The following PBX3 variants were observed in gnomAD, a reference collection of about 807,000 sequenced individuals.
The protein encoded by PBX3 is PBX homeobox 3.
A neutral mutation model predicts 48.5 loss-of-function variants in PBX3; 14 were observed. The ratio of observed to expected loss-of-function variants is 0.29; its 90% CI spans 0.19 to 0.45. The LOEUF (loss-of-function observed/expected upper bound fraction) is 0.45, where lower values mean the gene tolerates loss of function less well. PBX3 is among the 20% of genes least tolerant of loss of function. The pLI, the probability that PBX3 is intolerant of heterozygous loss-of-function variation, is 1.00. For missense variants in PBX3, 386 were observed against 546.7 expected, an observed-to-expected ratio of 0.71 and a Z score of 2.93; for synonymous variants, 210 against 200.3, an observed-to-expected ratio of 1.05 and a Z score of -0.41.
At chr9:125,756,721 A>G (rs1025810419) in intron 2 of PBX3, among the ~76,000 whole-genome samples, 6 of 152,188 alleles carry the variant, frequency 3.9e-5, no homozygotes, top group Non-Finnish European at 8.8e-5. Context: ...GATGCCTGTT[A>G]ATGGTAATGT....
intron 2 of PBX3, among the ~76,000 whole-genome samples, chr9:125,893,594 T>C (rs1840701510): frequency 2.7e-5 from 1 of 37,160 alleles, no homozygotes; most frequent in Non-Finnish European, 1.1e-4. Context: ...CCCCATGTGA[T>C]TGTTTGAAAG....
intron 3 of PBX3, among the ~76,000 whole-genome samples, chr9:125,926,284 C>G (rs933033016): frequency 6.6e-6 from 1 of 152,134 alleles, no homozygotes; most frequent in Non-Finnish European, 1.5e-5. Flanking sequence ...CTTTGGGAGG[C>G]CAAGGTGGGC....
chr9:125,950,939 TTG>T (rs1842182828), intron 5 of PBX3, among the ~76,000 whole-genome samples: 1 of 152,042 alleles, frequency 6.6e-6, no homozygotes, highest in Non-Finnish European at 1.5e-5. Context: ...AGAAATGAAA[TTG>T]AGTAAAGAAT....
At chr9:125,764,489 A>C (rs1055262520) in intron 2 of PBX3, among the ~76,000 whole-genome samples, 3 of 152,206 alleles carry the variant, frequency 2.0e-5, no homozygotes, top group Non-Finnish European at 4.4e-5. Context: ...TGGCATTGTC[A>C]GCCTAGTAGC....
chr9:125,862,486 A>C (rs906810752), intron 2 of PBX3, among the ~76,000 whole-genome samples: 25 of 151,766 alleles, frequency 1.6e-4, no homozygotes, highest in Non-Finnish European at 4.4e-5. Context: ...TCCTAGGTTC[A>C]AGCAATTCTC....
At chr9:125,864,772 G>A (rs1024465661) in intron 2 of PBX3, among the ~76,000 whole-genome samples, 8 of 152,180 alleles carry the variant, frequency 5.3e-5, no homozygotes, top group Admixed American at 2.0e-4. Context: ...TTGCTTGCCC[G>A]TCGCTCACCT....
intron 2 of PBX3, among the ~76,000 whole-genome samples, chr9:125,788,035 A>G (rs143971605): frequency 3.9e-5 from 6 of 152,350 alleles, no homozygotes; most frequent in Non-Finnish European, 8.8e-5. Flanking sequence ...TACTTGGGAT[A>G]GAGAAGGAGA....
intron 2 of PBX3, among the ~76,000 whole-genome samples, chr9:125,897,679 G>T (rs1397292046): frequency 6.6e-6 from 1 of 151,776 alleles, no homozygotes; most frequent in Non-Finnish European, 1.5e-5. Context: ...TGCTATTTGA[G>T]GGCATCTGAT....
intron 2 of PBX3, among the ~76,000 whole-genome samples, chr9:125,859,779 C>G (rs1296540656): frequency 6.6e-6 from 1 of 152,138 alleles, no homozygotes; most frequent in Non-Finnish European, 1.5e-5. Context: ...TATAGCAGAT[C>G]TGGTCTTCAA....
chr9:125,843,671 T>A (rs1211462512), intron 2 of PBX3: 1 of 341,744 alleles, frequency 2.9e-6, no homozygotes, highest in East Asian at 9.4e-5. Flanking sequence ...ACCAGAGAAC[T>A]TTTAAAAATA....
intron 2 of PBX3, among the ~76,000 whole-genome samples, chr9:125,834,220 A>G (rs1457914916): frequency 9.9e-5 from 15 of 152,134 alleles, no homozygotes; most frequent in Non-Finnish European, 2.9e-5. Context: ...CTTTAGAAAA[A>G]GTAGTTTGGG....
At chr9:125,843,325 T>C (rs1839337023) in intron 2 of PBX3, among the ~76,000 whole-genome samples, 1 of 152,200 alleles carries the variant, frequency 6.6e-6, no homozygotes, top group South Asian at 2.1e-4. Context: ...ATAATTTACA[T>C]AAAATTTAAA....
chr9:125,861,741 C>G (rs558575065), intron 2 of PBX3, among the ~76,000 whole-genome samples: 16 of 152,192 alleles, frequency 1.1e-4, no homozygotes, highest in African/African-American at 3.4e-4. Context: ...TGTAAGATTA[C>G]ATTTATATGA....
At position 125,747,430 on chromosome 9, in the gene PBX3, C is replaced by T. The variant is rs537859441; in HGVS notation, c.-24C>T. On this transcript the variant is annotated 5_prime_UTR_variant, in exon 1 of 9. Coordinates refer to ENST00000373489, the MANE Select transcript of PBX3 (RefSeq NM_006195.6). The stretch of plus-strand genomic sequence containing the variant: ...CCTCAGCCTTCGCCTCAGCCGCCGC[C>T]CGCTCCCGCCCGCGCGCGGCGGGAT... The T allele has an allele frequency of 1.6e-5, 23 of 1,445,750 alleles. 1 individual carries two copies. The Admixed American group carries it at 4.6e-4, about 29-fold the overall frequency. The allele number at this position is 1,445,750 out of a possible 1,614,324, so 89.6% of individuals were successfully genotyped here.
intron 2 of PBX3, among the ~76,000 whole-genome samples, chr9:125,822,906 A>G (rs1588184389): frequency 6.6e-6 from 1 of 151,750 alleles, no homozygotes; most frequent in African/African-American, 2.4e-5. Context: ...GAATTTTGGG[A>G]TTTTATGGAT....
At chr9:125,788,951 C>T (rs1837529313) in intron 2 of PBX3, among the ~76,000 whole-genome samples, 1 of 151,450 alleles carries the variant, frequency 6.6e-6, no homozygotes, top group Non-Finnish European at 1.5e-5. Context: ...CCTCCCCACA[C>T]TGAATTTATT....
chr9:125,763,809 G>T (rs188320383), intron 2 of PBX3, among the ~76,000 whole-genome samples: 33 of 152,264 alleles, frequency 2.2e-4, no homozygotes, highest in Admixed American at 3.9e-4. Context: ...CATTCTCTGT[G>T]GAAAGCAGAG....
At chr9:125,942,666 C>T (rs568215953) in intron 5 of PBX3, among the ~76,000 whole-genome samples, 1 of 152,206 alleles carries the variant, frequency 6.6e-6, no homozygotes, top group East Asian at 1.9e-4. Context: ...GTTGGTAAAC[C>T]AGAAACAAGT....
chr9:125,834,482 C>T (rs977763003), intron 2 of PBX3, among the ~76,000 whole-genome samples: 5 of 151,842 alleles, frequency 3.3e-5, no homozygotes, highest in Non-Finnish European at 7.4e-5. Context: ...ACTGCAACCT[C>T]CACCTCCCAG....
Sources: gnomAD v4.1 joint callset for allele counts (sites outside exome capture counted in the v4.1 genomes callset) on GRCh38, gnomAD v4.1.1 for gene constraint, MANE v1.5 for transcripts, NCBI Gene and HGNC (gene_info 2026-07-23, HGNC 2026-07-21) for gene names.